HEATR6: variants seen among roughly 807,000 people sequenced by gnomAD.
HEATR6 encodes the protein HEAT repeat containing 6.
HEATR6 carries 106 observed loss-of-function variants against 132.8 expected under a neutral mutation model. The observed-to-expected ratio is 0.80, with a 90% CI of 0.68 to 0.94. HEATR6 has a LOEUF of 0.94. Among genes scored for constraint, HEATR6 ranks in the 40% least tolerant of loss-of-function variants. The probability of loss-of-function intolerance (pLI) is 0.00; values close to 1 mark genes in which losing one functional copy is unlikely to be tolerated. For synonymous variants in HEATR6, 529 were observed against 537.8 expected (o/e 0.98, Z 0.23); for missense variants, 1,339 against 1,425.1 (o/e 0.94, Z 0.97).
intron 2 of HEATR6, among the ~76,000 whole-genome samples, chr17:60,074,825 T>G (rs1005269883): frequency 1.3e-5 from 2 of 152,184 alleles, no homozygotes; most frequent in Admixed American, 1.3e-4. Flanking sequence ...CTGCTAAACA[T>G]TCCACAATGT....
rs913294823 is a variant in HEATR6, at chr17:60,043,339, G to A, written c.*224C>T. ...ATTACAACCTGACTCCTCGGCTCCT[G>A]GATGCACAGGTCAGATGTTCCAACA... On this transcript the variant is annotated 3_prime_UTR_variant, in exon 20 of 20. Coordinates refer to ENST00000184956, the MANE Select transcript of HEATR6 (RefSeq NM_022070.5). 1 of 522,324 alleles carries A rather than the reference G, an allele frequency of 1.9e-6. No homozygotes were observed. The highest frequency in any genetic ancestry group is 1.9e-5 in the African/African-American group (1 of 52,504). The allele number at this position is 522,324 out of a possible 1,614,324, so 32.4% of individuals were successfully genotyped here.
intron 14 of HEATR6, among the ~76,000 whole-genome samples, chr17:60,053,998 C>G (rs995518591): frequency 6.6e-6 from 1 of 152,222 alleles, no homozygotes; most frequent in African/African-American, 2.4e-5. Context: ...CAGGTGCTAA[C>G]AGCCAAGACT....
Position 60,070,786 on chromosome 17 carries a change from CT to C in HEATR6, c.720del (p.Gly241ValfsTer6). On this transcript the variant is annotated frameshift_variant, in exon 6 of 20. Coordinates refer to ENST00000184956, the MANE Select transcript of HEATR6 (RefSeq NM_022070.5). LOFTEE classifies it high-confidence loss of function. ...TFCMLLQNAL[K>X]GIQSLLNGGR... ...CCACCATTTAGAAGTGACTGTATAC[CT>C]TTTAATGCATTTTGCAATAACTAGG... The C allele has an allele frequency of 6.3e-7, 1 of 1,599,438 alleles. No homozygotes were observed. Among genetic ancestry groups the C allele is most frequent in the Non-Finnish European group, 8.6e-7 (1 of 1,167,000 alleles).
chr17:60,071,812 T>A (rs1035643632), intron 5 of HEATR6, among the ~76,000 whole-genome samples: 4 of 152,230 alleles, frequency 2.6e-5, no homozygotes, highest in African/African-American at 9.6e-5. Context: ...CTCAGCTATA[T>A]AACATTTGAA....
chr17:60,075,159 T>C (rs2083290126), intron 2 of HEATR6, among the ~76,000 whole-genome samples: 1 of 152,198 alleles, frequency 6.6e-6, no homozygotes, highest in African/African-American at 2.4e-5. Context: ...TAAAATAAAG[T>C]TAATTAGCTT....
intron 9 of HEATR6, among the ~76,000 whole-genome samples, chr17:60,061,158 C>A (rs1192371345): frequency 6.6e-6 from 1 of 152,150 alleles, no homozygotes; most frequent in East Asian, 1.9e-4. Flanking sequence ...ACCAACATTA[C>A]AATTCTAGAA....
At position 60,041,276 on chromosome 17, in the gene HEATR6, C is replaced by T. The variant is rs1343357341; in HGVS notation, c.*2287G>A. On this transcript the variant is annotated 3_prime_UTR_variant, in exon 20 of 20. Transcript: ENST00000184956. ...CCACATCAGGATCTGGAAACCTTTA[C>T]AGAAGCTGAAGTTTTAAAAAGAAAA... 2.0e-5 allele frequency among the ~76,000 whole-genome samples: 3 copies of T among 152,198 alleles called. No homozygotes were observed. The highest frequency in any genetic ancestry group is 4.4e-5 in the Non-Finnish European group (3 of 68,042).
intron 1 of HEATR6, 168 bp from the exon 2 acceptor site, chr17:60,076,405 T>TA: frequency 1.8e-6 from 1 of 567,750 alleles, no homozygotes; most frequent in Non-Finnish European, 3.1e-6. Context: ...CAGCATGTGC[T>TA]AAAAAAGAAG....
intron 9 of HEATR6, 36 bp downstream of exon 9, chr17:60,066,173 T>C (rs991069251): frequency 1.3e-6 from 2 of 1,542,220 alleles, no homozygotes; most frequent in African/African-American, 2.8e-5. Flanking sequence ...AAATTTTTTC[T>C]TCCTATTATA....
Position 60,049,612 on chromosome 17 carries a change from C to A in HEATR6, c.2515G>T (p.Gly839Ter). ...LVKAATSRALGVYVLFPCLRQ... is the reference protein window; with the variant it reads ...LVKAATSRAL ...AGACAGGGAAAAAGCACATAGACTC[C>A]CAGGGCCCGTGAAGTTGCAGCTTTC... The change falls in exon 16 of 20, where the codon GGA (glycine) becomes TGA (stop). Residue 839 changes from glycine (G) to a stop codon, truncating the protein, a stop_gained. Transcript: ENST00000184956. LOFTEE classifies it high-confidence loss of function. 1 of 1,613,948 alleles carries A rather than the reference C, an allele frequency of 6.2e-7. No individual in the cohort carries two copies. Among genetic ancestry groups the A allele is most frequent in the Non-Finnish European group, 8.5e-7 (1 of 1,179,848 alleles).
rs1289462285 is a variant in HEATR6 at position 60,073,901 on chromosome 17, A to G, written c.328-15T>C. The G allele has an allele frequency of 1.2e-6, 2 of 1,611,892 alleles. No homozygotes were observed. Among genetic ancestry groups the G allele is most frequent in the Non-Finnish European group, 1.7e-6 (2 of 1,179,144 alleles). ...TCAACAATTACCTAACAGGACAGGA[A>G]AAGATATATTCTGATCTAACTTTTA... On this transcript the variant is annotated splice_polypyrimidine_tract_variant and intron_variant, in intron 2 of 19. Coordinates refer to ENST00000184956, the MANE Select transcript of HEATR6 (RefSeq NM_022070.5).
rs1906773490 is a variant in HEATR6 at position 60,057,216 on chromosome 17, T to C, written c.1911A>G (p.Glu637=). The C allele has an allele frequency of 1.2e-6, 2 of 1,614,088 alleles. No homozygotes were observed. Among genetic ancestry groups the C allele is most frequent in the East Asian group, 2.2e-5 (1 of 44,892 alleles). The change falls in exon 12 of 20, where the codon GAA becomes GAG. Residue 637 remains glutamate (E), a synonymous_variant. Coordinates refer to ENST00000184956, the MANE Select transcript of HEATR6 (RefSeq NM_022070.5). ...CCTTAGGTGAGCTAACTGACGTTTC[T>C]TCCAGAGAGGGTCCTGCAGGGGCTT... ...WKKAPAGPSL[E]ETSVSSPKGS... is the part of the protein sequence containing the mutation.
chr17:60,047,498 G>A (rs1735837110), intron 17 of HEATR6, 93 bp from the exon 18 acceptor site: 1 of 576,884 alleles, frequency 1.7e-6, no homozygotes, highest in South Asian at 3.7e-5. Flanking sequence ...AAGCCTAAAA[G>A]TTTAGGAAAA....
intron 11 of HEATR6, among the ~76,000 whole-genome samples, chr17:60,058,531 T>C (rs1446948195): frequency 3.3e-5 from 5 of 152,214 alleles, no homozygotes; most frequent in Non-Finnish European, 7.3e-5. Flanking sequence ...TGGGAAACCT[T>C]AGGGTAAGAC....
At position 60,057,102 on chromosome 17, in the gene HEATR6, G is replaced by A. The variant is rs1306439183; in HGVS notation, c.2025C>T (p.Gly675=). 2 of 1,613,924 alleles carry A rather than the reference G, an allele frequency of 1.2e-6. No individual in the cohort carries two copies. The highest frequency in any genetic ancestry group is 2.2e-5 in the East Asian group (1 of 44,886). The part of the protein sequence containing the change: ...KEDSCSGSDA[G]SAAGSTYEPS... ...GTTCGTAGGTGCTTCCTGCTGCAGA[G>A]CCAGCATCGCTACCTGAACAGGAAT... The change falls in exon 12 of 20, where the codon GGC becomes GGT. Residue 675 remains glycine, a synonymous_variant. Coordinates refer to ENST00000184956, the MANE Select transcript of HEATR6 (RefSeq NM_022070.5).
At chr17:60,071,583 G>A (rs1346084363) in intron 5 of HEATR6, among the ~76,000 whole-genome samples, 1 of 152,238 alleles carries the variant, frequency 6.6e-6, no homozygotes, top group Non-Finnish European at 1.5e-5. Context: ...TCCAGCCATA[G>A]CAGTTAGAAA....
At chr17:60,067,771 C>A in intron 7 of HEATR6, 39 bp from the exon 8 acceptor site, 1 of 1,505,514 alleles carries the variant, frequency 6.6e-7, no homozygotes, top group Non-Finnish European at 9.0e-7. Flanking sequence ...ATAATAACTA[C>A]TTCAGAATGG....
At chr17:60,044,551 C>T (rs1906299307) in intron 19 of HEATR6, among the ~76,000 whole-genome samples, 1 of 152,228 alleles carries the variant, frequency 6.6e-6, no homozygotes, top group South Asian at 2.1e-4. Flanking sequence ...TGCATGCTCA[C>T]CTGCAACAGC....
intron 18 of HEATR6, 28 bp downstream of exon 18, chr17:60,047,281 G>C (rs753480659): frequency 7.1e-7 from 1 of 1,417,964 alleles, no homozygotes; most frequent in Admixed American, 1.7e-5. Flanking sequence ...ATCTGTTTGG[G>C]AGATACTGGG....
Sources: allele counts gnomAD v4.1 joint callset (sites outside exome capture counted in the v4.1 genomes callset), GRCh38; gene constraint gnomAD v4.1.1; transcripts MANE v1.5; gene names NCBI Gene and HGNC (gene_info 2026-07-23, HGNC 2026-07-21).